The following COLGALT1 variants were observed in gnomAD, a reference collection of about 807,000 sequenced individuals.
COLGALT1 encodes the protein collagen beta(1-O)galactosyltransferase 1.
A neutral mutation model predicts 60.8 loss-of-function variants in COLGALT1; 43 were observed. That is an observed-to-expected ratio of 0.71 (90% confidence interval 0.55 to 0.91). The LOEUF (loss-of-function observed/expected upper bound fraction) is 0.91. Ranked by LOEUF, COLGALT1 falls within the 40% of genes least tolerant of loss-of-function variation. The probability of loss-of-function intolerance (pLI) is 0.00; values close to 1 mark genes in which losing one functional copy is unlikely to be tolerated. For synonymous variants in COLGALT1, 369 were observed against 374.2 expected (o/e 0.99, Z 0.16); for missense variants, 845 against 880.0 (o/e 0.96, Z 0.50).
At position 17,581,224 on chromosome 19, in the gene COLGALT1, CTG is replaced by C; in HGVS notation, c.1652_1653del (p.Val551GlyfsTer19). On this transcript the variant is annotated frameshift_variant, in exon 12 of 12. Coordinates refer to ENST00000252599, the MANE Select transcript of COLGALT1 (RefSeq NM_024656.4). LOFTEE classifies it low-confidence loss of function (END_TRUNC). ...TCCCTCCGCAACCTGCATGCCTTCTCTGTGGAGCCGCTGCTCATCTACCCCAC... is the reference window on the plus strand; with the variant it reads ...TCCCTCCGCAACCTGCATGCCTTCTCTGGAGCCGCTGCTCATCTACCCCAC... 2 of 1,609,932 alleles carry C rather than the reference CTG, an allele frequency of 1.2e-6. No homozygotes were observed. Among genetic ancestry groups the C allele is most frequent in the South Asian group, 1.1e-5 (1 of 91,010 alleles).
At chr19:17,563,872 ATTGT>A (rs2076264039) in intron 3 of COLGALT1, among the ~76,000 whole-genome samples, 1 of 151,250 alleles carries the variant, frequency 6.6e-6, no homozygotes, top group Non-Finnish European at 1.5e-5. Context: ...TTTTAAAATG[ATTGT>A]TTGAAGGTCC....
Position 17,577,481 on chromosome 19 carries a change from C to G in COLGALT1, c.1133+14C>G. ...CGTGGACGGCAAGTGAGTCCGAGGC[C>G]TGGGGGTGGGGGGGCGGGTCCGCAC... On this transcript the variant is annotated intron_variant, in intron 8 of 11. Transcript: ENST00000252599. The G allele has an allele frequency of 5.2e-6, 1 of 193,028 alleles. No individual in the cohort carries two copies. The highest frequency in any genetic ancestry group is 6.4e-6 in the Non-Finnish European group (1 of 157,286). 12.0% of individuals were successfully genotyped at this position (193,028 alleles called of 1,614,324 possible).
chr19:17,581,556 G>T lies in COLGALT1; in HGVS notation c.*112G>T. 3 of 1,372,680 alleles carry T rather than the reference G, an allele frequency of 2.2e-6. No homozygotes were observed. The highest frequency in any genetic ancestry group is 2.9e-6 in the Non-Finnish European group (3 of 1,032,080). The allele number at this position is 1,372,680 out of a possible 1,614,324, so 85.0% of individuals were successfully genotyped here. A position where few individuals can be genotyped will look rare whatever the true frequency, so the allele number is the denominator to read the frequency against. The stretch of plus-strand genomic sequence containing the variant: ...TTGGCAGGCCACAGAGGGCTCTCGT[G>T]TGGGGTGGTGTCCAGCCAGCTCTTG... On this transcript the variant is annotated 3_prime_UTR_variant, in exon 12 of 12. Transcript: ENST00000252599.
chr19:17,579,668 A>C, intron 10 of COLGALT1, 59 bp downstream of exon 10: 1 of 135,398 alleles, frequency 7.4e-6, no homozygotes, highest in Non-Finnish European at 1.4e-5. Flanking sequence ...CAGGACTTAG[A>C]GGTGGGGGTG....
At position 17,581,690 on chromosome 19, in the gene COLGALT1, A is replaced by G. The variant is rs1369409913; in HGVS notation, c.*246A>G. The stretch of plus-strand genomic sequence containing the variant: ...GGAACCAAGCCCTCTTCATCTGTTC[A>G]TGTGCCCAGCATTTATTAAGCACCT... On this transcript the variant is annotated 3_prime_UTR_variant, in exon 12 of 12. Transcript: ENST00000252599. The G allele has an allele frequency of 1.1e-5, 6 of 566,078 alleles. No individual in the cohort carries two copies. Among genetic ancestry groups the G allele is most frequent in the East Asian group, 2.9e-5 (1 of 33,902 alleles). The allele number at this position is 566,078 out of a possible 1,614,324, so 35.1% of individuals were successfully genotyped here.
At position 17,560,444 on chromosome 19, in the gene COLGALT1, C is replaced by T. The variant is rs139616778; in HGVS notation, c.468C>T (p.Asp156=). 1.9e-6 allele frequency: 3 copies of T among 1,613,902 alleles called. No individual in the cohort carries two copies. In the African/African-American group the frequency reaches 4.0e-5, roughly 22 times the overall value. ...LRQAALKSAR[D]MWADYILFVD... ...AGGCAGCCCTGAAATCAGCTCGAGA[C>T]ATGTGGGCTGATTACATCCTGGTAA... Residue 156 remains aspartate, a synonymous_variant, in exon 3 of 12, where the codon GAC becomes GAT. Transcript: ENST00000252599.
At chr19:17,564,367 G>A (rs2076268068) in intron 3 of COLGALT1, among the ~76,000 whole-genome samples, 1 of 148,966 alleles carries the variant, frequency 6.7e-6, no homozygotes, top group Admixed American at 6.8e-5. Context: ...ACGTGTGTGT[G>A]TGTATAATAT....
intron 3 of COLGALT1, among the ~76,000 whole-genome samples, chr19:17,561,078 G>T (rs2076246408): frequency 1.3e-5 from 2 of 151,270 alleles, no homozygotes; most frequent in Non-Finnish European, 2.9e-5. Flanking sequence ...GGTGGCAGGT[G>T]CCTGTAATCC....
chr19:17,578,472 G>A (rs1224839443), intron 9 of COLGALT1, among the ~76,000 whole-genome samples: 2 of 152,112 alleles, frequency 1.3e-5, no homozygotes, highest in Non-Finnish European at 2.9e-5. Context: ...GTGCTGCTGG[G>A]GGCACTCACC....
intron 10 of COLGALT1, 26 bp downstream of exon 10, chr19:17,579,635 G>T (rs1419823687): frequency 6.8e-7 from 1 of 1,470,122 alleles, no homozygotes; most frequent in East Asian, 2.7e-5. Flanking sequence ...AGGATGGGGT[G>T]AAGCTGGGGC....
chr19:17,562,721 C>G (rs903569396), intron 3 of COLGALT1, among the ~76,000 whole-genome samples: 1 of 150,852 alleles, frequency 6.6e-6, no homozygotes, highest in Non-Finnish European at 1.5e-5. Flanking sequence ...AGGGTATCAG[C>G]GATTGATGGA....
intron 3 of COLGALT1, among the ~76,000 whole-genome samples, chr19:17,563,198 T>A (rs1410804425): frequency 6.7e-6 from 1 of 148,306 alleles, no homozygotes; most frequent in African/African-American, 2.5e-5. Context: ...TTTTTTTTTT[T>A]TTTTTTTTTT....
At chr19:17,557,205 T>C (rs2144812055) in intron 1 of COLGALT1, among the ~76,000 whole-genome samples, 1 of 152,332 alleles carries the variant, frequency 6.6e-6, no homozygotes, top group Middle Eastern at 3.4e-3. Context: ...TAACAAATGT[T>C]TGTTGAATGA....
Position 17,557,448 on chromosome 19 carries a change from C to T in COLGALT1, c.260+1475C>T, listed in dbSNP as rs182150094. Among the ~76,000 whole-genome samples, 22 of 151,832 alleles carry T rather than the reference C, an allele frequency of 1.4e-4. No individual in the cohort carries two copies. The East Asian group carries it at 2.1e-3, about 15-fold the overall frequency. ...CCCGAGTAGCTTGGGATTACAGGTG[C>T]GCACCACCATGCCTGGCTAATTTTT... On this transcript the variant is annotated intron_variant, in intron 1 of 11. Coordinates refer to ENST00000252599, the MANE Select transcript of COLGALT1 (RefSeq NM_024656.4).
At chr19:17,570,321 C>A (rs1020371259) in intron 5 of COLGALT1, among the ~76,000 whole-genome samples, 11 of 152,104 alleles carry the variant, frequency 7.2e-5, no homozygotes, top group African/African-American at 2.7e-4. Context: ...CTCACTGCAG[C>A]CTCAACCTCC....
chr19:17,556,645 C>A, intron 1 of COLGALT1: 1 of 541,688 alleles, frequency 1.8e-6, no homozygotes, highest in Non-Finnish European at 2.4e-6. Flanking sequence ...GGTGCAGTGG[C>A]TCACGCAGTA....
chr19:17,572,331 A>ATAAG (rs2076317703), intron 5 of COLGALT1, 152 bp from the exon 6 acceptor site: 3 of 1,059,994 alleles, frequency 2.8e-6, no homozygotes, highest in Middle Eastern at 2.5e-4. Context: ...GTTTGTAGAT[A>ATAAG]TAAGGTCTTG....
Position 17,572,550 on chromosome 19 carries a change from C to A in COLGALT1, c.897C>A (p.Ser299Arg), listed in dbSNP as rs758848927. The change falls in exon 6 of 12, where the codon AGC becomes AGA. Residue 299 changes from serine to arginine, a missense_variant. Coordinates refer to ENST00000252599, the MANE Select transcript of COLGALT1 (RefSeq NM_024656.4). ...GFLPVPLRAH[S>R]TLQDEAESFM... ...TGCCAGTGCCATTGCGCGCCCACAG[C>A]ACCCTCCAGGATGAGGCCGAGAGCT... 6.2e-7 allele frequency: 1 copy of A among 1,614,214 alleles called. No homozygotes were observed. The highest frequency in any genetic ancestry group is 8.5e-7 in the Non-Finnish European group (1 of 1,180,036).
chr19:17,580,672 A>G (rs1269662837), intron 10 of COLGALT1, 27 bp from the exon 11 acceptor site: 1 of 1,611,842 alleles, frequency 6.2e-7, no homozygotes, highest in East Asian at 2.2e-5. Context: ...GCGGGAGGAG[A>G]GTGACAGGCC....
Sources: gnomAD v4.1 joint callset for allele counts (sites outside exome capture counted in the v4.1 genomes callset) on GRCh38, gnomAD v4.1.1 for gene constraint, MANE v1.5 for transcripts, NCBI Gene and HGNC (gene_info 2026-07-23, HGNC 2026-07-21) for gene names.